Variants in OTOGL observed in about 807,000 individuals in gnomAD.
OTOGL encodes otogelin like.
In OTOGL, 285 loss-of-function variants were observed where a neutral mutation model predicts 318.5. The observed-to-expected ratio is 0.89, with a 90% CI of 0.81 to 0.99. OTOGL has a LOEUF of 0.99. Ranked by LOEUF, OTOGL falls within the 50% of genes least tolerant of loss-of-function variation. The probability of loss-of-function intolerance (pLI) is 0.00; values close to 1 mark genes in which losing one functional copy is unlikely to be tolerated. For synonymous variants in OTOGL, 987 were observed against 936.5 expected, an observed-to-expected ratio of 1.05 and a Z score of -0.99; for missense variants, 2,899 against 2,845.6, an observed-to-expected ratio of 1.02 and a Z score of -0.43.
chr12:80,297,797 T>C lies in OTOGL; in HGVS notation c.3063+836T>C, dbSNP rs147248521. Among the ~76,000 whole-genome samples the C allele has an allele frequency of 5.2e-3, 792 of 152,308 alleles. 6 individuals carry two copies. The highest frequency in any genetic ancestry group is 0.016 in the African/African-American group (655 of 41,566). On this transcript the variant is annotated intron_variant, in intron 27 of 58. Transcript: ENST00000547103. ...TGCTTCAAGCCCACATTCCAGAAGG[T>C]GGAGCATCTTATTAGTCCTTCATTA...
At chr12:80,274,326 T>C (rs1223704855) in intron 24 of OTOGL, among the ~76,000 whole-genome samples, 2 of 152,004 alleles carry the variant, frequency 1.3e-5, no homozygotes, top group Admixed American at 6.6e-5. Flanking sequence ...CAGCTAGCTG[T>C]TATGGAGAAA....
At chr12:80,208,987 T>C (rs551844110) in intron 1 of OTOGL, among the ~76,000 whole-genome samples, 11 of 152,294 alleles carry the variant, frequency 7.2e-5, no homozygotes, top group South Asian at 6.2e-4. Flanking sequence ...TTTCACCCTT[T>C]TTCAAAGGAC....
chr12:80,225,452 A>G (rs1878747623), intron 7 of OTOGL, among the ~76,000 whole-genome samples: 1 of 152,138 alleles, frequency 6.6e-6, no homozygotes, highest in African/African-American at 2.4e-5. Context: ...TCAAATAAAT[A>G]CATCAATTTA....
At chr12:80,206,533 C>T (rs1015951993) in intron 1 of OTOGL, among the ~76,000 whole-genome samples, 6 of 152,006 alleles carry the variant, frequency 3.9e-5, no homozygotes, top group African/African-American at 9.7e-5. Context: ...TTTTTTGAGA[C>T]AGGGTCTTGC....
intron 1 of OTOGL, among the ~76,000 whole-genome samples, chr12:80,116,625 C>G (rs540529901): frequency 6.6e-6 from 1 of 152,156 alleles, no homozygotes; most frequent in South Asian, 2.1e-4. Context: ...AAAAGTGAGG[C>G]AAAAGCTTAG....
chr12:80,202,473 A>T (rs1046961189), intron 1 of OTOGL, among the ~76,000 whole-genome samples: 3 of 152,152 alleles, frequency 2.0e-5, no homozygotes, highest in Admixed American at 2.0e-4. Flanking sequence ...GGGTTTCACC[A>T]TGTTGGCCAG....
Position 80,341,971 on chromosome 12 carries a change from GATGATCTAAGGATGCAAA to G in OTOGL, c.5078_5095del (p.Asp1693_Asn1698del). The G allele has an allele frequency of 6.2e-7, 1 of 1,606,418 alleles. No homozygotes were observed. Among genetic ancestry groups the G allele is most frequent in the Non-Finnish European group, 8.5e-7 (1 of 1,175,462 alleles). On this transcript the variant is annotated inframe_deletion, in exon 44 of 59. Transcript: ENST00000547103. ...AGGAATTTGCAATGAAGATCCGGAT[GATGATCTAAGGATGCAAA>G]ATGGCACAATTATTACAAATATGGA...
Position 80,253,532 on chromosome 12 carries a change from C to T in OTOGL, c.1352C>T (p.Ala451Val). Residue 451 changes from alanine to valine, a missense_variant, in exon 14 of 59, where the codon GCT becomes GTT. By Grantham distance (64) the Ala-to-Val change is moderately conservative. Around this residue, in one of 3 missense-constraint regions of OTOGL, gnomAD observed 2,607 missense variants for 2,524.9 expected, o/e 1.03. Transcript: ENST00000547103. ...ENCPCGFHGL[A>V]YSVGSKIEQE... ...TGCCCATGCGGTTTTCATGGATTAG[C>T]TTATTCAGTTGGTTCAAAAATTGAA... 1 of 1,613,028 alleles carries T rather than the reference C, an allele frequency of 6.2e-7. No homozygotes were observed. Among genetic ancestry groups the T allele is most frequent in the Non-Finnish European group, 8.5e-7 (1 of 1,179,212 alleles).
chr12:80,358,412 A>T (rs1428383032), intron 50 of OTOGL, 63 bp downstream of exon 50: 25 of 1,283,984 alleles, frequency 1.9e-5, no homozygotes, highest in Non-Finnish European at 2.5e-5. Flanking sequence ...AGCCCAGTGC[A>T]TCTTAGTTGG....
intron 27 of OTOGL, among the ~76,000 whole-genome samples, chr12:80,298,050 AT>A (rs1885527179): frequency 6.6e-6 from 1 of 152,212 alleles, no homozygotes; most frequent in South Asian, 2.1e-4. Context: ...AATACATTTC[AT>A]TCATTCATTC....
rs1565932935 is a variant in OTOGL at position 80,255,165 on chromosome 12, CA to C, written c.1568del (p.Gln523ArgfsTer17). On this transcript the variant is annotated frameshift_variant, in exon 16 of 59. Coordinates refer to ENST00000547103, the MANE Select transcript of OTOGL (RefSeq NM_001378609.3). LOFTEE classifies it high-confidence loss of function. The stretch of plus-strand genomic sequence containing the variant: ...AAAAGATAAATTCACGATTACTTTA[CA>C]GAAAGCTCCCTGTGAGCAGGTAAGA... ...TGKDKFTITLQKAPCEQNLGL... is the reference protein window; with the variant it reads ...TGKDKFTITLXKAPCEQNLGL... 7 of 1,516,206 alleles carry C rather than the reference CA, an allele frequency of 4.6e-6. No homozygotes were observed. The South Asian group carries it at 9.3e-5, about 20-fold the overall frequency. The allele number at this position is 1,516,206 out of a possible 1,614,324, so 93.9% of individuals were successfully genotyped here.
chr12:80,261,496 T>A (rs1172834695), intron 18 of OTOGL, among the ~76,000 whole-genome samples: 1 of 152,128 alleles, frequency 6.6e-6, no homozygotes, highest in Non-Finnish European at 1.5e-5. Context: ...AGACTATTTA[T>A]ATTTTGAGAT....
At chr12:80,132,955 G>A (rs1290882226) in intron 1 of OTOGL, among the ~76,000 whole-genome samples, 1 of 152,120 alleles carries the variant, frequency 6.6e-6, no homozygotes, top group Non-Finnish European at 1.5e-5. Flanking sequence ...TGAATACTTA[G>A]CTTTTCCTTC....
intron 30 of OTOGL, among the ~76,000 whole-genome samples, chr12:80,312,353 C>A (rs1565976184): frequency 6.6e-6 from 1 of 152,174 alleles, no homozygotes; most frequent in African/African-American, 2.4e-5. Context: ...AAATGTAAAA[C>A]AGTGCACTCT....
Position 80,261,857 on chromosome 12 carries a change from G to C in OTOGL, c.1890-112G>C, listed in dbSNP as rs540066945. 2.8e-5 allele frequency: 35 copies of C among 1,260,640 alleles called. 1 individual carries two copies. The South Asian group carries it at 7.3e-4, about 26-fold the overall frequency. 78.1% of individuals were successfully genotyped at this position (1,260,640 alleles called of 1,614,324 possible). ...TTAAACTGGTAGAAAATTTCAAGCT[G>C]TAAGATTTCCTTGTACATTATGAAA... On this transcript the variant is annotated intron_variant, in intron 18 of 58. Coordinates refer to ENST00000547103, the MANE Select transcript of OTOGL (RefSeq NM_001378609.3).
At chr12:80,159,513 G>T (rs1873357503) in intron 1 of OTOGL, among the ~76,000 whole-genome samples, 1 of 151,686 alleles carries the variant, frequency 6.6e-6, no homozygotes, top group Non-Finnish European at 1.5e-5. Context: ...CTTACTGCTT[G>T]TTATATTGTT....
chr12:80,231,759 C>T (rs1879378872), intron 8 of OTOGL, among the ~76,000 whole-genome samples: 1 of 151,950 alleles, frequency 6.6e-6, no homozygotes, highest in Admixed American at 6.6e-5. Flanking sequence ...CTCAGCCTCC[C>T]AAGGAGCTGG....
Position 80,377,189 on chromosome 12 carries a change from T to G in OTOGL, c.6848T>G (p.Met2283Arg). ...TCGGTCATAAGGAAACAGGACTGTA[T>G]GAGCCAAAGCCCTGTAAGTGGAAAA... ...IKSVIRKQDC[M>R]SQSPINVASC... The change falls in exon 58 of 59, where the codon ATG becomes AGG. Residue 2283 changes from methionine to arginine, a missense_variant. Met to Arg is a moderately conservative substitution (Grantham distance 91). Around this residue, in one of 3 missense-constraint regions of OTOGL, gnomAD observed 289 missense variants for 304.6 expected, o/e 0.95. Transcript: ENST00000547103. 2 of 1,605,388 alleles carry G rather than the reference T, an allele frequency of 1.2e-6. No homozygotes were observed. Among genetic ancestry groups the G allele is most frequent in the Non-Finnish European group, 1.7e-6 (2 of 1,174,502 alleles).
At chr12:80,126,171 G>A (rs528130461) in intron 1 of OTOGL, among the ~76,000 whole-genome samples, 12 of 151,858 alleles carry the variant, frequency 7.9e-5, no homozygotes, top group African/African-American at 1.2e-4. Flanking sequence ...TCTCTTGTGG[G>A]CATTTAGTGC....
Sources: gnomAD v4.1 joint callset for allele counts (sites outside exome capture counted in the v4.1 genomes callset) on GRCh38, gnomAD v4.1.1 for gene constraint, gnomAD v4.1.1 regional missense constraint, MANE v1.5 for transcripts, NCBI Gene and HGNC (gene_info 2026-07-23, HGNC 2026-07-21) for gene names.